MTA3: variants seen among roughly 807,000 people sequenced by gnomAD.
The protein encoded by MTA3 is metastasis associated 1 family member 3.
A neutral mutation model predicts 83.5 loss-of-function variants in MTA3; 34 were observed. The ratio of observed to expected loss-of-function variants is 0.41; its 90% CI spans 0.31 to 0.54. The LOEUF (loss-of-function observed/expected upper bound fraction) is 0.54, where lower values mean the gene tolerates loss of function less well. MTA3 is among the 20% of genes least tolerant of loss of function. The pLI, the probability that MTA3 is intolerant of heterozygous loss-of-function variation, is 0.33. For missense variants in MTA3, 761 were observed against 726.4 expected (o/e 1.05, Z -0.55); for synonymous variants, 303 against 252.7 (o/e 1.20, Z -1.89).
intron 6 of MTA3, among the ~76,000 whole-genome samples, chr2:42,647,025 G>A (rs1171245356): frequency 6.6e-6 from 1 of 150,874 alleles, no homozygotes; most frequent in Non-Finnish European, 1.5e-5. Flanking sequence ...GCGTGGTGGC[G>A]GGCGCCTATA....
At chr2:42,594,728 A>ATATATATATATATATATTTTTTTT in intron 3 of MTA3, among the ~76,000 whole-genome samples, 25 of 24,024 alleles carry the variant, frequency 1.0e-3, no homozygotes, top group Non-Finnish European at 1.2e-3. Context: ...ATATATATAT[A>ATATATATATATATATATTTTTTTT]TTTTTTTTTT....
At chr2:42,529,410 T>C (rs1341917775) in intron 2 of MTA3, among the ~76,000 whole-genome samples, 2 of 152,184 alleles carry the variant, frequency 1.3e-5, no homozygotes, top group Non-Finnish European at 2.9e-5. Flanking sequence ...ATGCTCCAGG[T>C]CCTCACCTGT....
chr2:42,496,608 G>GAAA (rs35316146), intron 2 of MTA3, among the ~76,000 whole-genome samples: 2 of 122,042 alleles, frequency 1.6e-5, no homozygotes, highest in Non-Finnish European at 3.4e-5. Flanking sequence ...CAGAACCTAG[G>GAAA]AAAAAAAAAA....
chr2:42,563,831 C>A (rs867587047), upstream of MTA3, among the ~76,000 whole-genome samples: 26 of 134,540 alleles, frequency 1.9e-4, no homozygotes, highest in Non-Finnish European at 8.1e-5. Context: ...TTCCTTCCTT[C>A]CTTTCTTTTT....
intron 2 of MTA3, among the ~76,000 whole-genome samples, chr2:42,559,668 C>T (rs1264975202): frequency 6.6e-6 from 1 of 151,850 alleles, no homozygotes; most frequent in East Asian, 1.9e-4. Context: ...CACCTGAGGT[C>T]GGGAGTTCGA....
rs767598363 is a variant in MTA3 at position 42,514,682 on chromosome 2, C to CTTTTTTTT, written c.-141+19446_-141+19453dup. Among the ~76,000 whole-genome samples the CTTTTTTTT allele has an allele frequency of 9.2e-4, 49 of 53,482 alleles. 5 individuals carry two copies. Among genetic ancestry groups the CTTTTTTTT allele is most frequent in the Admixed American group, 1.7e-3 (5 of 2,972 alleles). The allele number at this position is 53,482 out of a possible 152,430, so 35.1% of individuals were successfully genotyped here. A position where few individuals can be genotyped will look rare whatever the true frequency, so the allele number is the denominator to read the frequency against. ...GATTACAGGCATGAGCGCCCAGCCC[C>CTTTTTTTT]TTTTTTTTTTTTTTTTTTTTTTTTT... On this transcript the variant is annotated intron_variant, in intron 2 of 17. Coordinates refer to the MTA3 transcript ENST00000405592.
chr2:42,533,408 G>C (rs1676069176), intron 2 of MTA3: 2 of 151,742 alleles, frequency 1.3e-5, no homozygotes, highest in Admixed American at 6.6e-5. Context: ...TTTTCTAAAA[G>C]GCCTAGAGAA....
chr2:42,721,960 C>A (rs533194583), intron 15 of MTA3, among the ~76,000 whole-genome samples: 1 of 152,224 alleles, frequency 6.6e-6, no homozygotes, highest in Admixed American at 6.5e-5. Flanking sequence ...AAGTGTGGGA[C>A]TTTGACCAGA....
rs541155875 is a variant in MTA3, at chr2:42,735,421, A to T, written c.1759+12386A>T. Among the ~76,000 whole-genome samples, 14 of 152,234 alleles carry T rather than the reference A, an allele frequency of 9.2e-5. No individual in the cohort carries two copies. The South Asian group carries it at 2.1e-3, about 23-fold the overall frequency. On this transcript the variant is annotated intron_variant, in intron 16 of 16. Coordinates refer to ENST00000405094, the MANE Select transcript of MTA3 (RefSeq NM_001330442.2). ...AAAATCCTTGACTTTTGGGAGTTTG[A>T]TTATTAAATGTCTTGAGGTAATCTT... is the stretch of plus-strand genomic sequence containing the variant.
intron 6 of MTA3, among the ~76,000 whole-genome samples, chr2:42,654,649 G>C (rs1689000956): frequency 6.6e-6 from 1 of 151,960 alleles, no homozygotes; most frequent in Non-Finnish European, 1.5e-5. Flanking sequence ...GTTTTGTTTT[G>C]TGACACCCAG....
intron 8 of MTA3, among the ~76,000 whole-genome samples, chr2:42,668,400 C>T (rs1690490454): frequency 6.6e-6 from 1 of 152,182 alleles, no homozygotes; most frequent in South Asian, 2.1e-4. Flanking sequence ...AGAGAGCAGG[C>T]AATGCCTCAG....
chr2:42,602,206 G>A (rs1313756638), intron 3 of MTA3, among the ~76,000 whole-genome samples: 1 of 152,022 alleles, frequency 6.6e-6, no homozygotes, highest in Non-Finnish European at 1.5e-5. Context: ...GGATCTCCTG[G>A]GCTCAAGCTG....
At chr2:42,554,875 C>A (rs1274199184) in intron 2 of MTA3, among the ~76,000 whole-genome samples, 1 of 152,154 alleles carries the variant, frequency 6.6e-6, no homozygotes, top group African/African-American at 2.4e-5. Flanking sequence ...CACCCTACTA[C>A]CCTTCTTCCA....
Position 42,618,173 on chromosome 2 carries a change from C to G in MTA3, c.317+8589C>G, listed in dbSNP as rs527572157. On this transcript the variant is annotated intron_variant, in intron 4 of 16. Coordinates refer to ENST00000405094, the MANE Select transcript of MTA3 (RefSeq NM_001330442.2). ...ATGTTGCCCAGGCTGGTCTTGAACA[C>G]TTGGCCTCATGTAATCCTTCCACCC... Among the ~76,000 whole-genome samples the G allele has an allele frequency of 6.6e-5, 10 of 152,124 alleles. No individual in the cohort carries two copies. The South Asian group carries it at 1.7e-3, about 25-fold the overall frequency.
chr2:42,599,778 T>C (rs1253860015), intron 3 of MTA3, among the ~76,000 whole-genome samples: 1 of 152,158 alleles, frequency 6.6e-6, no homozygotes, highest in Non-Finnish European at 1.5e-5. Context: ...TATAATATGG[T>C]TGACTCATTT....
chr2:42,603,877 A>G (rs1382628893), intron 3 of MTA3, among the ~76,000 whole-genome samples: 4 of 151,932 alleles, frequency 2.6e-5, no homozygotes, highest in African/African-American at 7.2e-5. Context: ...CAGCCTCCCC[A>G]CTACCTGGGA....
intron 14 of MTA3, among the ~76,000 whole-genome samples, chr2:42,711,792 G>T (rs201347692): frequency 4.3e-4 from 41 of 94,608 alleles, no homozygotes; most frequent in Non-Finnish European, 6.2e-4. Flanking sequence ...GAGTGTGTGT[G>T]TGTGTGTGTG....
intron 8 of MTA3, among the ~76,000 whole-genome samples, chr2:42,673,572 C>T (rs1221575389): frequency 1.3e-5 from 2 of 152,076 alleles, no homozygotes; most frequent in African/African-American, 4.8e-5. Context: ...GGTTGGGTTC[C>T]CTGGAAGCAG....
chr2:42,684,270 T>C lies in MTA3; in HGVS notation c.891+1681T>C, dbSNP rs543106274. On this transcript the variant is annotated intron_variant, in intron 9 of 16. Transcript: ENST00000405094. ...TTAAATTATGAAAATAGAATCTTTA[T>C]AGACCATTACGTATTTGATGTGAGC... Among the ~76,000 whole-genome samples the C allele has an allele frequency of 7.9e-5, 12 of 152,370 alleles. 1 individual carries two copies. Among genetic ancestry groups the C allele is most frequent in the African/African-American group, 2.9e-4 (12 of 41,590 alleles).
Sources: gnomAD v4.1 joint callset for allele counts (sites outside exome capture counted in the v4.1 genomes callset) on GRCh38, gnomAD v4.1.1 for gene constraint, MANE v1.5 for transcripts, NCBI Gene and HGNC (gene_info 2026-07-23, HGNC 2026-07-21) for gene names.